The following IGFL2 variants were observed in gnomAD, a reference collection of about 807,000 sequenced individuals.
IGFL2 encodes IGF like family member 2.
In IGFL2, 7 loss-of-function variants were observed where a neutral mutation model predicts 13.9. The observed-to-expected ratio is 0.51, with a 90% CI of 0.29 to 0.95. The LOEUF is 0.95. Ranked by LOEUF, IGFL2 falls within the 40% of genes least tolerant of loss-of-function variation. IGFL2 has a pLI of 0.08. For synonymous variants in IGFL2, 55 were observed against 55.8 expected (o/e 0.99, Z 0.07); for missense variants, 138 against 147.8 (o/e 0.93, Z 0.34).
chr19:46,199,990 C>A, the IGFL2 span, among the ~76,000 whole-genome samples: 2 of 152,138 alleles, frequency 1.3e-5, no homozygotes, highest in Admixed American at 1.3e-4. Flanking sequence ...GATTCTCCTG[C>A]CTCAGCCTCC....
the IGFL2 span, chr19:46,197,276 T>G: frequency 5.2e-6 from 1 of 193,374 alleles, no homozygotes; most frequent in Non-Finnish European, 1.1e-5. Context: ...GATAACAGGC[T>G]TTGTCACAGG....
rs150924066 is a variant in IGFL2, at chr19:46,156,262, G to T, written c.20-4153G>T. The stretch of plus-strand genomic sequence containing the variant: ...TTGAGTCTTCCAAAGCATAAACCTG[G>T]TATGTTTCCCATTTACTTAGGTGTT... On this transcript the variant is annotated intron_variant, in intron 1 of 3. Transcript: ENST00000377693. Among the ~76,000 whole-genome samples the T allele has an allele frequency of 2.7e-3, 411 of 152,290 alleles. 2 individuals are homozygous for T. Among genetic ancestry groups the T allele is most frequent in the African/African-American group, 9.3e-3 (388 of 41,558 alleles).
the IGFL2 span, among the ~76,000 whole-genome samples, chr19:46,200,473 C>CCTTTTTCTTTTCTTTT: frequency 7.4e-6 from 1 of 134,278 alleles, no homozygotes; most frequent in Non-Finnish European, 1.6e-5. Flanking sequence ...CACACCTGGC[C>CCTTTTTCTTTTCTTTT]CTTTTCTTTT....
At chr19:46,198,175 T>G in the IGFL2 span, 2 of 151,462 alleles carry the variant, frequency 1.3e-5, no homozygotes, top group Admixed American at 1.3e-4. Flanking sequence ...AGTGGTCTGA[T>G]CATAGCTAAT....
chr19:46,184,415 C>T, the IGFL2 span, among the ~76,000 whole-genome samples: 4 of 151,996 alleles, frequency 2.6e-5, no homozygotes, highest in Admixed American at 2.0e-4. Context: ...GCTATCCCTC[C>T]CCCAGTCCCC....
At chr19:46,163,254 G>A (rs1047176453), downstream of IGFL2, among the ~76,000 whole-genome samples, 4 of 152,182 alleles carry the variant, frequency 2.6e-5, no homozygotes, top group African/African-American at 9.7e-5. Context: ...CTCCTGGGCT[G>A]CCCACTGCAG....
At chr19:46,121,513 G>T in the IGFL2 span, among the ~76,000 whole-genome samples, 1 of 150,518 alleles carries the variant, frequency 6.6e-6, no homozygotes, top group African/African-American at 2.5e-5. Flanking sequence ...CCACTGAGAG[G>T]AGTAGTATTT....
At chr19:46,140,746 T>A (rs1359226571), upstream of IGFL2, among the ~76,000 whole-genome samples, 3 of 152,130 alleles carry the variant, frequency 2.0e-5, no homozygotes, top group African/African-American at 7.2e-5. Context: ...TGGGAACCAG[T>A]ACCAGGACAG....
At chr19:46,149,626 C>A (rs1973363898) in intron 1 of IGFL2, among the ~76,000 whole-genome samples, 1 of 151,974 alleles carries the variant, frequency 6.6e-6, no homozygotes, top group Admixed American at 6.6e-5. Flanking sequence ...TGGAATCACA[C>A]CATTTATAAG....
At chr19:46,117,988 C>G in the IGFL2 span, among the ~76,000 whole-genome samples, 1 of 152,138 alleles carries the variant, frequency 6.6e-6, no homozygotes, top group Non-Finnish European at 1.5e-5. Context: ...TGTGAGCATA[C>G]GTGGGGCTAA....
the IGFL2 span, among the ~76,000 whole-genome samples, chr19:46,131,638 A>G: frequency 6.6e-6 from 1 of 152,298 alleles, no homozygotes; most frequent in South Asian, 2.1e-4. Context: ...ACTGATTTTC[A>G]GTGTGAAAAT....
chr19:46,191,984 G>A, the IGFL2 span, among the ~76,000 whole-genome samples: 3 of 152,166 alleles, frequency 2.0e-5, no homozygotes, highest in Non-Finnish European at 2.9e-5. Flanking sequence ...TGTGAGAGGT[G>A]TTCTTTTAAA....
chr19:46,135,154 A>G, the IGFL2 span, among the ~76,000 whole-genome samples: 1 of 152,234 alleles, frequency 6.6e-6, no homozygotes, highest in African/African-American at 2.4e-5. Context: ...TAATGTTAAC[A>G]TCTTAAATGA....
chr19:46,133,082 C>CCAGCTTGG, the IGFL2 span, among the ~76,000 whole-genome samples: 9 of 152,152 alleles, frequency 5.9e-5, no homozygotes, highest in Non-Finnish European at 1.5e-5. Flanking sequence ...AAAGACTCAA[C>CCAGCTTGG]CAGCTTGGCG....
intron 1 of IGFL2, among the ~76,000 whole-genome samples, chr19:46,158,617 A>G (rs1376858961): frequency 6.6e-6 from 1 of 152,194 alleles, no homozygotes; most frequent in Non-Finnish European, 1.5e-5. Context: ...TAGAATAGCT[A>G]AAACAGTTTT....
chr19:46,097,063 T>C, the IGFL2 span, among the ~76,000 whole-genome samples: 2 of 152,208 alleles, frequency 1.3e-5, no homozygotes, highest in Admixed American at 6.5e-5. Flanking sequence ...TCCTTTTCAA[T>C]TGTTTGGAAT....
the IGFL2 span, among the ~76,000 whole-genome samples, chr19:46,188,064 A>G: frequency 6.6e-6 from 1 of 152,234 alleles, no homozygotes; most frequent in East Asian, 1.9e-4. Flanking sequence ...GATATAAATA[A>G]TTCCCACATT....
intron 1 of IGFL2, among the ~76,000 whole-genome samples, chr19:46,157,875 A>C (rs567070744): frequency 4.6e-5 from 7 of 152,214 alleles, no homozygotes; most frequent in Admixed American, 3.9e-4. Context: ...ACAACTGTCT[A>C]TGTAAACAGT....
At chr19:46,150,648 C>A (rs73048052) in intron 1 of IGFL2, among the ~76,000 whole-genome samples, 5,741 of 152,176 alleles carry the variant, frequency 0.038, 164 homozygotes, top group African/African-American at 0.073. Flanking sequence ...ATATACTCTT[C>A]AGCAATTTTG....
Sources: gnomAD v4.1 joint callset for allele counts (sites outside exome capture counted in the v4.1 genomes callset) on GRCh38, gnomAD v4.1.1 for gene constraint, MANE v1.5 for transcripts, NCBI Gene and HGNC (gene_info 2026-07-23, HGNC 2026-07-21) for gene names.